The following ZRANB3 variants were observed in gnomAD, a reference collection of about 807,000 sequenced individuals.
ZRANB3 encodes DNA annealing helicase and endonuclease ZRANB3.
Under a neutral mutation model 133.8 loss-of-function variants are expected in ZRANB3, and 125 were observed. The ratio of observed to expected loss-of-function variants is 0.93; its 90% CI spans 0.81 to 1.08. The LOEUF is 1.08. ZRANB3 is among the 50% of genes least tolerant of loss of function. The pLI, the probability that ZRANB3 is intolerant of heterozygous loss-of-function variation, is 0.00. For synonymous variants in ZRANB3, 387 were observed against 432.7 expected (o/e 0.89, Z 1.31); for missense variants, 1,229 against 1,275.5 (o/e 0.96, Z 0.56).
At chr2:135,240,271 A>T (rs1695494590) in intron 12 of ZRANB3, among the ~76,000 whole-genome samples, 1 of 152,210 alleles carries the variant, frequency 6.6e-6, no homozygotes, top group Non-Finnish European at 1.5e-5. Flanking sequence ...TGAGTCCAGG[A>T]GTCCCACACC....
Position 135,316,880 on chromosome 2 carries a change from C to T in ZRANB3, c.678-1350G>A, listed in dbSNP as rs1229596572. Among the ~76,000 whole-genome samples the T allele has an allele frequency of 2.7e-5, 4 of 150,120 alleles. 1 individual carries two copies. The highest frequency in any genetic ancestry group is 4.3e-4 in the South Asian group (2 of 4,696). The stretch of plus-strand genomic sequence containing the variant: ...ACTCAAGAGGCTGAGGCAGGAGAAT[C>T]GCTTGAACCCGGGAAGCAGAGGTTG... On this transcript the variant is annotated intron_variant, in intron 6 of 20. Transcript: ENST00000264159.
intron 3 of ZRANB3, among the ~76,000 whole-genome samples, chr2:135,357,138 C>G (rs1339077824): frequency 6.6e-6 from 1 of 151,988 alleles, no homozygotes; most frequent in African/African-American, 2.4e-5. Context: ...ACTCTGTCAC[C>G]AAGGGTGAAA....
chr2:135,492,984 T>C (rs1692460459), intron 2 of ZRANB3, among the ~76,000 whole-genome samples: 1 of 150,656 alleles, frequency 6.6e-6, no homozygotes, highest in African/African-American at 2.4e-5. Context: ...AGGTAATTTA[T>C]GGGAATGATA....
intron 2 of ZRANB3, among the ~76,000 whole-genome samples, chr2:135,494,760 TATAAA>T (rs1692587881): frequency 6.6e-6 from 1 of 152,116 alleles, no homozygotes; most frequent in South Asian, 2.1e-4. Context: ...GATGAAACAT[TATAAA>T]AATAAGTTGA....
intron 12 of ZRANB3, among the ~76,000 whole-genome samples, chr2:135,256,237 TA>T (rs1679646722): frequency 6.6e-6 from 1 of 152,194 alleles, no homozygotes; most frequent in Non-Finnish European, 1.5e-5. Flanking sequence ...CTAATCTGAA[TA>T]AAAAGAGCCA....
chr2:135,356,712 G>T (rs1052817065), intron 3 of ZRANB3, among the ~76,000 whole-genome samples: 1 of 152,018 alleles, frequency 6.6e-6, no homozygotes, highest in East Asian at 1.9e-4. Flanking sequence ...AATTCTTGGG[G>T]TTTTTTTGTG....
chr2:135,522,027 G>C (rs778515400), intron 1 of ZRANB3, among the ~76,000 whole-genome samples: 1 of 152,178 alleles, frequency 6.6e-6, no homozygotes, highest in Non-Finnish European at 1.5e-5. Context: ...CAGCTCTGCA[G>C]CATGCCACAG....
intron 8 of ZRANB3, among the ~76,000 whole-genome samples, chr2:135,287,620 A>G (rs181674446): frequency 7.2e-6 from 1 of 139,426 alleles, no homozygotes; most frequent in East Asian, 2.2e-4. Flanking sequence ...AGTGTTTTGT[A>G]GTTTTCCTCG....
chr2:135,488,644 T>G (rs1359132033), intron 2 of ZRANB3, among the ~76,000 whole-genome samples: 1 of 151,546 alleles, frequency 6.6e-6, no homozygotes, highest in Non-Finnish European at 1.5e-5. Context: ...GCACAATATA[T>G]GCAAAGCACA....
Position 135,353,491 on chromosome 2 carries a change from A to G in ZRANB3, c.318T>C (p.Ser106=). The part of the protein sequence containing the change: ...EEIEKWIPEL[S]PEEINVIQNK... ...TCTGAATAACATTGATTTCTTCTGG[A>G]CTTAGCTCTGGGATCCATTTTTCAA... The change falls in exon 4 of 21, where the codon AGT becomes AGC. Residue 106 remains serine, a synonymous_variant. Transcript: ENST00000264159. 1 of 1,609,064 alleles carries G rather than the reference A, an allele frequency of 6.2e-7. No individual in the cohort carries two copies.
chr2:135,266,282 C>T (rs530739062), intron 11 of ZRANB3, among the ~76,000 whole-genome samples: 3 of 152,280 alleles, frequency 2.0e-5, no homozygotes, highest in Admixed American at 2.0e-4. Context: ...AACAAGATGC[C>T]AACATGACAG....
At chr2:135,352,176 A>C (rs1425253055) in intron 4 of ZRANB3, among the ~76,000 whole-genome samples, 2 of 151,792 alleles carry the variant, frequency 1.3e-5, no homozygotes, top group Non-Finnish European at 2.9e-5. Flanking sequence ...TGCTAAAAAT[A>C]AAAAAAGTCA....
intron 2 of ZRANB3, among the ~76,000 whole-genome samples, chr2:135,483,659 G>T (rs1280028027): frequency 6.6e-6 from 1 of 151,984 alleles, no homozygotes; most frequent in East Asian, 1.9e-4. Flanking sequence ...GCTAGCTTTT[G>T]AATGTGTTTG....
intron 2 of ZRANB3, among the ~76,000 whole-genome samples, chr2:135,438,373 C>T (rs923728024): frequency 2.0e-5 from 3 of 151,916 alleles, no homozygotes; most frequent in South Asian, 2.1e-4. Flanking sequence ...AGCATGGTGG[C>T]GTGCACCTGT....
intron 2 of ZRANB3, among the ~76,000 whole-genome samples, chr2:135,425,093 A>T (rs545973276): frequency 7.9e-5 from 12 of 152,364 alleles, no homozygotes; most frequent in Admixed American, 5.2e-4. Flanking sequence ...GGCCAGGATT[A>T]TATACCTAGT....
chr2:135,250,577 AGCCTAGG>A (rs1159326968), intron 12 of ZRANB3, among the ~76,000 whole-genome samples: 1 of 152,236 alleles, frequency 6.6e-6, no homozygotes, highest in South Asian at 2.1e-4. Flanking sequence ...TGCTGCGTTC[AGCCTAGG>A]GACTTGGTTC....
intron 14 of ZRANB3, among the ~76,000 whole-genome samples, chr2:135,227,385 T>A (rs988237691): frequency 2.6e-5 from 4 of 152,260 alleles, no homozygotes; most frequent in African/African-American, 4.8e-5. Flanking sequence ...AATACTTTTT[T>A]AAAAATATGC....
chr2:135,348,029 C>T (rs915416873), intron 5 of ZRANB3, among the ~76,000 whole-genome samples: 4 of 152,012 alleles, frequency 2.6e-5, no homozygotes, highest in African/African-American at 7.3e-5. Flanking sequence ...GAGGCTAAGA[C>T]GAGCAGATCA....
intron 1 of ZRANB3, among the ~76,000 whole-genome samples, chr2:135,522,436 A>AC (rs1477733929): frequency 6.6e-6 from 1 of 152,032 alleles, no homozygotes; most frequent in Non-Finnish European, 1.5e-5. Flanking sequence ...GACTTGGGGT[A>AC]CCCGCCGGGT....
Sources: gnomAD v4.1 joint callset for allele counts (sites outside exome capture counted in the v4.1 genomes callset) on GRCh38, gnomAD v4.1.1 for gene constraint, MANE v1.5 for transcripts, NCBI Gene and HGNC (gene_info 2026-07-23, HGNC 2026-07-21) for gene names.